Variants in TMTC3 observed in about 807,000 individuals in gnomAD.
TMTC3 encodes the protein transmembrane O-mannosyltransferase targeting cadherins 3.
In TMTC3, 52 loss-of-function variants were observed where a neutral mutation model predicts 92.2. The observed-to-expected ratio is 0.56, with a 90% confidence interval of 0.45 to 0.71. The LOEUF is 0.71. Ranked by LOEUF, TMTC3 falls within the 30% of genes least tolerant of loss-of-function variation. The probability of loss-of-function intolerance (pLI) is 0.00; values close to 1 mark genes in which losing one functional copy is unlikely to be tolerated. For missense variants in TMTC3, 896 were observed against 1,057.1 expected, an observed-to-expected ratio of 0.85 and a Z score of 2.11; for synonymous variants, 339 against 363.3, an observed-to-expected ratio of 0.93 and a Z score of 0.76.
At chr12:88,193,951 T>G (rs2041473734) in intron 13 of TMTC3, among the ~76,000 whole-genome samples, 1 of 152,262 alleles carries the variant, frequency 6.6e-6, no homozygotes, top group Admixed American at 6.5e-5. Context: ...TGCCAGGCAG[T>G]GGCTGATGCC....
At chr12:88,189,234 C>T (rs2041413852) in intron 11 of TMTC3, among the ~76,000 whole-genome samples, 1 of 151,764 alleles carries the variant, frequency 6.6e-6, no homozygotes, top group Admixed American at 6.6e-5. Flanking sequence ...GCTGGGACTA[C>T]AGGTGCCTGC....
chr12:88,198,630 T>TTGA lies in TMTC3; in HGVS notation c.*2983_*2985dup, dbSNP rs1592757677. 1 of 383,426 alleles carries TTGA rather than the reference T, an allele frequency of 2.6e-6. No homozygotes were observed. Among genetic ancestry groups the TTGA allele is most frequent in the Non-Finnish European group, 4.6e-6 (1 of 216,732 alleles). The allele number at this position is 383,426 out of a possible 1,614,324, so 23.8% of individuals were successfully genotyped here. On this transcript the variant is annotated 3_prime_UTR_variant, in exon 14 of 14. Coordinates refer to ENST00000266712, the MANE Select transcript of TMTC3 (RefSeq NM_181783.4). ...TGTTTGTTTACTTTTATGTAAAAAT[T>TTGA]TGATATGTGAATTACACAGTTCTAA... is the stretch of plus-strand genomic sequence containing the variant.
chr12:88,168,546 T>C (rs954175410), intron 7 of TMTC3, among the ~76,000 whole-genome samples: 2 of 152,156 alleles, frequency 1.3e-5, no homozygotes, highest in African/African-American at 4.8e-5. Flanking sequence ...GGTTGGCATA[T>C]AGAAGCATTT....
intron 6 of TMTC3, among the ~76,000 whole-genome samples, chr12:88,163,830 A>G (rs898745837): frequency 6.6e-6 from 1 of 152,136 alleles, no homozygotes; most frequent in African/African-American, 2.4e-5. Context: ...GGTAGACATG[A>G]ATTTTTTAGA....
chr12:88,173,209 G>A (rs1250991821), intron 8 of TMTC3: 1 of 637,450 alleles, frequency 1.6e-6, no homozygotes, highest in Non-Finnish European at 2.2e-6. Context: ...TAACAGTTAA[G>A]GAACAGCATA....
intron 8 of TMTC3, chr12:88,173,199 T>A: frequency 1.2e-6 from 1 of 807,190 alleles, no homozygotes; most frequent in Non-Finnish European, 1.7e-6. Context: ...TGCCTCAAAC[T>A]AACAGTTAAG....
At chr12:88,149,635 T>A (rs1012454568) in intron 2 of TMTC3, among the ~76,000 whole-genome samples, 1 of 152,166 alleles carries the variant, frequency 6.6e-6, no homozygotes, top group Non-Finnish European at 1.5e-5. Context: ...AACATGTAAC[T>A]CTCTGCAATG....
intron 2 of TMTC3, among the ~76,000 whole-genome samples, chr12:88,150,613 A>C (rs974535769): frequency 6.6e-6 from 1 of 152,176 alleles, no homozygotes; most frequent in East Asian, 1.9e-4. Flanking sequence ...TGAAGAGTGT[A>C]GTTGTGTAGT....
At position 88,198,273 on chromosome 12, in the gene TMTC3, A is replaced by T; in HGVS notation, c.*2624A>T. On this transcript the variant is annotated 3_prime_UTR_variant, in exon 14 of 14. Transcript: ENST00000266712. Reference sequence around the variant, plus strand: ...AGGTGGGCACATTTAAGGTCAGTTCACTAACCTATGGTTCAGAGTTCTGAT... The same window carrying T: ...AGGTGGGCACATTTAAGGTCAGTTCTCTAACCTATGGTTCAGAGTTCTGAT... 2.5e-6 allele frequency: 1 copy of T among 397,646 alleles called. No individual in the cohort carries two copies. 24.6% of individuals were successfully genotyped at this position (397,646 alleles called of 1,614,324 possible).
At chr12:88,180,546 G>A (rs2041306291) in intron 10 of TMTC3, among the ~76,000 whole-genome samples, 1 of 152,204 alleles carries the variant, frequency 6.6e-6, no homozygotes, top group Admixed American at 6.5e-5. Context: ...GGAGTGAATG[G>A]TGTCTGTGTC....
intron 2 of TMTC3, among the ~76,000 whole-genome samples, chr12:88,149,881 C>G (rs2040921006): frequency 6.6e-6 from 1 of 152,162 alleles, no homozygotes; most frequent in Non-Finnish European, 1.5e-5. Flanking sequence ...TTATTCTACA[C>G]AGCTTGTCCT....
chr12:88,164,908 T>C (rs1240704750), intron 6 of TMTC3, among the ~76,000 whole-genome samples: 2 of 152,152 alleles, frequency 1.3e-5, no homozygotes, highest in Non-Finnish European at 2.9e-5. Flanking sequence ...GATTTTTATC[T>C]CTGAGTCTAG....
intron 7 of TMTC3, among the ~76,000 whole-genome samples, chr12:88,167,861 T>C (rs1186566711): frequency 6.6e-6 from 1 of 152,156 alleles, no homozygotes; most frequent in Non-Finnish European, 1.5e-5. Context: ...AGGTGGTAAT[T>C]GAAACCAGGA....
intron 2 of TMTC3, among the ~76,000 whole-genome samples, chr12:88,150,226 A>C (rs1207285609): frequency 6.6e-6 from 1 of 152,180 alleles, no homozygotes; most frequent in Non-Finnish European, 1.5e-5. Flanking sequence ...TTCACATAGC[A>C]AAAGCAGGAG....
intron 4 of TMTC3, among the ~76,000 whole-genome samples, chr12:88,159,177 C>T (rs1044852093): frequency 1.3e-5 from 2 of 151,706 alleles, no homozygotes; most frequent in Non-Finnish European, 2.9e-5. Context: ...AAACTGAAGC[C>T]TGGAAAAGCT....
intron 7 of TMTC3, among the ~76,000 whole-genome samples, chr12:88,169,789 A>G (rs534226930): frequency 6.6e-6 from 1 of 152,156 alleles, no homozygotes; most frequent in South Asian, 2.1e-4. Flanking sequence ...AAATTTTTAA[A>G]TTAGCCAGGC....
At position 88,195,478 on chromosome 12, in the gene TMTC3, A is replaced by G; in HGVS notation, c.2574A>G (p.Ile858Met). The change falls in exon 14 of 14, where the codon ATA becomes ATG. Residue 858 changes from isoleucine (I) to methionine (M), a missense_variant. Transcript: ENST00000266712. The part of the protein sequence containing the change: ...EIRGESRQTQ[I>M]VKTSDNKSQS... ...GAGGTGAATCCAGACAAACACAAAT[A>G]GTAAAAACAAGTGATAATAAAAGTC... 6.2e-7 allele frequency: 1 copy of G among 1,612,898 alleles called. No homozygotes were observed. The highest frequency in any genetic ancestry group is 8.5e-7 in the Non-Finnish European group (1 of 1,179,642).
At chr12:88,147,480 A>G (rs2040889744) in intron 1 of TMTC3, among the ~76,000 whole-genome samples, 1 of 152,122 alleles carries the variant, frequency 6.6e-6, no homozygotes, top group Admixed American at 6.6e-5. Context: ...TAGCTGTCCT[A>G]TATTGGATCC....
chr12:88,172,699 T>C lies in TMTC3; in HGVS notation c.1153T>C (p.Phe385Leu). 12 of 1,602,524 alleles carry C rather than the reference T, an allele frequency of 7.5e-6. No homozygotes were observed. The highest frequency in any genetic ancestry group is 1.0e-5 in the Non-Finnish European group (12 of 1,175,474). ...ERVLYVPSMG[F>L]CILVAHGWQK... ...AGTATTATATGTTCCCAGCATGGGG[T>C]TCTGTATTTTGGTAGCCCATGGATG... Residue 385 changes from phenylalanine (F) to leucine (L), a missense_variant, in exon 8 of 14, where the codon TTC becomes CTC. Transcript: ENST00000266712.
Sources: allele counts gnomAD v4.1 joint callset (sites outside exome capture counted in the v4.1 genomes callset), GRCh38; gene constraint gnomAD v4.1.1; transcripts MANE v1.5; gene names NCBI Gene and HGNC (gene_info 2026-07-23, HGNC 2026-07-21).